DLGAP1: variants seen among roughly 807,000 people sequenced by gnomAD.
The protein encoded by DLGAP1 is disks large-associated protein 1.
DLGAP1 carries 11 observed loss-of-function variants against 90.8 expected under a neutral mutation model. The ratio of observed to expected loss-of-function variants is 0.12; its 90% CI spans 0.08 to 0.20. DLGAP1 has a LOEUF of 0.20. Among genes scored for constraint, DLGAP1 ranks in the 10% least tolerant of loss-of-function variants. The pLI is 1.00. For missense variants in DLGAP1, 1,050 were observed against 1,333.8 expected, an observed-to-expected ratio of 0.79 and a Z score of 3.31; for synonymous variants, 558 against 540.7, an observed-to-expected ratio of 1.03 and a Z score of -0.44.
At chr18:4,003,963 T>C (rs2074249838) in intron 3 of DLGAP1, among the ~76,000 whole-genome samples, 1 of 152,116 alleles carries the variant, frequency 6.6e-6, no homozygotes, top group Admixed American at 6.5e-5. Context: ...TGGTGTATGA[T>C]GTAAGAGCTT....
intron 5 of DLGAP1, among the ~76,000 whole-genome samples, chr18:3,767,124 C>T (rs2064283713): frequency 6.6e-6 from 1 of 152,064 alleles, no homozygotes; most frequent in South Asian, 2.1e-4. Context: ...ATACTATGAA[C>T]AACTGTATAC....
intron 3 of DLGAP1, among the ~76,000 whole-genome samples, chr18:3,940,738 G>GT (rs1441368275): frequency 6.6e-6 from 1 of 152,190 alleles, no homozygotes; most frequent in African/African-American, 2.4e-5. Context: ...TTCCACAGTG[G>GT]TTTTCATTAA....
At chr18:4,232,347 A>G (rs1021071329) in intron 1 of DLGAP1, among the ~76,000 whole-genome samples, 21 of 152,150 alleles carry the variant, frequency 1.4e-4, no homozygotes, top group African/African-American at 5.1e-4. Flanking sequence ...TCTTCTTTAC[A>G]TAGGAGAGAA....
Position 4,183,439 on chromosome 18 carries a change from A to C in DLGAP1, c.-266-32152T>G, listed in dbSNP as rs533458925. 1.4e-4 allele frequency among the ~76,000 whole-genome samples: 22 copies of C among 152,276 alleles called. No homozygotes were observed. In the South Asian group the frequency reaches 1.5e-3, roughly 10 times the overall value. ...ATTTCATTGTATATTATTTCTCTCTATATATGTCTATCAAAAGTAGGCATT... is the reference window on the plus strand; with the variant it reads ...ATTTCATTGTATATTATTTCTCTCTCTATATGTCTATCAAAAGTAGGCATT... On this transcript the variant is annotated intron_variant, in intron 1 of 12. Coordinates refer to ENST00000315677, the MANE Select transcript of DLGAP1 (RefSeq NM_004746.4).
At chr18:3,591,723 A>G (rs1450168103) in intron 7 of DLGAP1, among the ~76,000 whole-genome samples, 1 of 152,076 alleles carries the variant, frequency 6.6e-6, no homozygotes, top group Non-Finnish European at 1.5e-5. Flanking sequence ...ATAAAAATAA[A>G]AAGACGGGGT....
At chr18:3,772,383 T>C (rs1484344040) in intron 5 of DLGAP1, among the ~76,000 whole-genome samples, 5 of 13,650 alleles carry the variant, frequency 3.7e-4, no homozygotes, top group African/African-American at 5.4e-4. Context: ...TTTCTTTCTT[T>C]CTTTCTTTCT....
chr18:3,502,045 C>G, intron 12 of DLGAP1: 1 of 552,742 alleles, frequency 1.8e-6, no homozygotes, highest in Non-Finnish European at 2.3e-6. Context: ...TTCTTTATTA[C>G]TATATTTATG....
At chr18:3,874,460 T>C (rs1245757252) in intron 4 of DLGAP1, 3 of 1,434,570 alleles carry the variant, frequency 2.1e-6, no homozygotes, top group Non-Finnish European at 2.7e-6. Context: ...GCTTTATATG[T>C]CAGTCACTCA....
At chr18:3,642,408 T>C (rs1257416465) in intron 7 of DLGAP1, among the ~76,000 whole-genome samples, 3 of 152,230 alleles carry the variant, frequency 2.0e-5, no homozygotes, top group Non-Finnish European at 4.4e-5. Context: ...TTGGGATGCT[T>C]ACCTGGCATA....
chr18:3,947,957 GA>G (rs1464158722), intron 3 of DLGAP1, among the ~76,000 whole-genome samples: 1 of 152,276 alleles, frequency 6.6e-6, no homozygotes, highest in Middle Eastern at 3.4e-3. Flanking sequence ...TGCATCTCAG[GA>G]AATAGAGGTA....
chr18:4,003,437 G>GC (rs1386534249), intron 3 of DLGAP1, among the ~76,000 whole-genome samples: 2 of 130,372 alleles, frequency 1.5e-5, no homozygotes, highest in African/African-American at 5.8e-5. Flanking sequence ...TAATATCATT[G>GC]TTTTTTTTTT....
At chr18:4,438,994 G>C (rs994451056) in intron 1 of DLGAP1, among the ~76,000 whole-genome samples, 2 of 152,210 alleles carry the variant, frequency 1.3e-5, no homozygotes, top group Non-Finnish European at 2.9e-5. Context: ...GTTAGGAAGA[G>C]GAGGAACTTT....
chr18:3,882,764 A>C (rs562782576), intron 3 of DLGAP1, among the ~76,000 whole-genome samples: 46 of 152,308 alleles, frequency 3.0e-4, no homozygotes, highest in Non-Finnish European at 4.9e-4. Flanking sequence ...TCTGGACTCC[A>C]AAACAGTGTT....
chr18:4,161,101 G>A (rs978257011), intron 1 of DLGAP1, among the ~76,000 whole-genome samples: 3 of 151,222 alleles, frequency 2.0e-5, no homozygotes, highest in African/African-American at 7.3e-5. Flanking sequence ...TTAAGTTCCG[G>A]GGTACATGTG....
chr18:3,884,310 A>G (rs888407667), intron 3 of DLGAP1, among the ~76,000 whole-genome samples: 9 of 152,348 alleles, frequency 5.9e-5, no homozygotes, highest in Middle Eastern at 6.8e-3. Flanking sequence ...AAGCAAAAAC[A>G]AGATTCTATT....
chr18:4,105,565 T>C (rs1437223056), intron 2 of DLGAP1, among the ~76,000 whole-genome samples: 1 of 152,262 alleles, frequency 6.6e-6, no homozygotes, highest in Non-Finnish European at 1.5e-5. Flanking sequence ...ATGTATTTAC[T>C]TCAACTTATA....
At chr18:3,745,853 C>A (rs1323895098) in intron 5 of DLGAP1, among the ~76,000 whole-genome samples, 1 of 152,000 alleles carries the variant, frequency 6.6e-6, no homozygotes, top group African/African-American at 2.4e-5. Context: ...TCAAGCCCAG[C>A]TAATTTTTGT....
In DLGAP1 at chr18:4,196,517, A is replaced by T. The variant is rs1019416648; in HGVS notation, c.-266-45230T>A. Among the ~76,000 whole-genome samples, 3 of 152,244 alleles carry T rather than the reference A, an allele frequency of 2.0e-5. No homozygotes were observed. In the South Asian group the frequency reaches 6.2e-4, roughly 32 times the overall value. On this transcript the variant is annotated intron_variant, in intron 1 of 12. Transcript: ENST00000315677. ...CAACACTTTTGGCAGTGTGAATGCGACAGACGTCCACTTCCAACACGCTTA... is the reference window on the plus strand; with the variant it reads ...CAACACTTTTGGCAGTGTGAATGCGTCAGACGTCCACTTCCAACACGCTTA...
intron 1 of DLGAP1, among the ~76,000 whole-genome samples, chr18:4,200,579 A>G (rs1345465832): frequency 1.3e-5 from 2 of 151,076 alleles, no homozygotes; most frequent in African/African-American, 4.9e-5. Flanking sequence ...AGGAATAAAT[A>G]TTAAATATTT....
Sources: allele counts gnomAD v4.1 joint callset (sites outside exome capture counted in the v4.1 genomes callset), GRCh38; gene constraint gnomAD v4.1.1; transcripts MANE v1.5; gene names NCBI Gene and HGNC (gene_info 2026-07-23, HGNC 2026-07-21).